NCKAP5: variants seen among roughly 807,000 people sequenced by gnomAD.
The protein encoded by NCKAP5 is NCK associated protein 5, also known as nck-associated protein 5.
A neutral mutation model predicts 167.0 loss-of-function variants in NCKAP5; 92 were observed. The ratio of observed to expected loss-of-function variants is 0.55; its 90% CI spans 0.47 to 0.66. NCKAP5 has a LOEUF of 0.66. Ranked by LOEUF, NCKAP5 falls within the 30% of genes least tolerant of loss-of-function variation. The probability of loss-of-function intolerance (pLI) is 0.00; values close to 1 mark genes in which losing one functional copy is unlikely to be tolerated. For missense variants in NCKAP5, 2,378 were observed against 2,315.0 expected (o/e 1.03, Z -0.56); for synonymous variants, 891 against 877.4 (o/e 1.02, Z -0.27).
chr2:132,970,348 C>T (rs115861114), intron 7 of NCKAP5, among the ~76,000 whole-genome samples: 1,925 of 152,208 alleles, frequency 0.013, 18 homozygotes, highest in Non-Finnish European at 0.018. Context: ...ATTTGTCTTA[C>T]GAACCTCCAA....
chr2:132,898,645 GAAAACA>G (rs1693388237), intron 8 of NCKAP5, among the ~76,000 whole-genome samples: 1 of 152,210 alleles, frequency 6.6e-6, no homozygotes, highest in Non-Finnish European at 1.5e-5. Flanking sequence ...TAGCAGGCAT[GAAAACA>G]ACATTAATCT....
the NCKAP5 span, among the ~76,000 whole-genome samples, chr2:133,590,808 T>C: frequency 1.1e-4 from 16 of 152,146 alleles, no homozygotes; most frequent in African/African-American, 3.6e-4. Flanking sequence ...AGCAGAAGAC[T>C]TTGATTTAAT....
intron 7 of NCKAP5, among the ~76,000 whole-genome samples, chr2:132,968,020 G>A (rs989288907): frequency 6.6e-6 from 1 of 152,248 alleles, no homozygotes. Flanking sequence ...GCAAATACTC[G>A]TGGCAGGGCC....
At chr2:133,368,731 A>G (rs775939050) in intron 3 of NCKAP5, among the ~76,000 whole-genome samples, 1 of 152,260 alleles carries the variant, frequency 6.6e-6, no homozygotes, top group African/African-American at 2.4e-5. Context: ...ATAACTAGGA[A>G]GCAATTAACA....
At chr2:133,032,350 A>G (rs1182784870) in intron 6 of NCKAP5, among the ~76,000 whole-genome samples, 1 of 152,176 alleles carries the variant, frequency 6.6e-6, no homozygotes, top group Non-Finnish European at 1.5e-5. Flanking sequence ...TTGGGATGGC[A>G]GTGGGTATGG....
chr2:133,403,534 A>G (rs531995865), intron 3 of NCKAP5, among the ~76,000 whole-genome samples: 15 of 152,202 alleles, frequency 9.9e-5, no homozygotes, highest in Admixed American at 3.9e-4. Context: ...CAAGATGACT[A>G]TATTTCATAT....
intron 3 of NCKAP5, among the ~76,000 whole-genome samples, chr2:133,355,936 G>GTTT (rs5834354): frequency 6.6e-6 from 1 of 150,584 alleles, no homozygotes; most frequent in Non-Finnish European, 1.5e-5. Flanking sequence ...TTTGTTTTCT[G>GTTT]TTTTTTTTTG....
the NCKAP5 span, among the ~76,000 whole-genome samples, chr2:133,588,171 C>T: frequency 6.6e-6 from 1 of 152,056 alleles, no homozygotes; most frequent in African/African-American, 2.4e-5. Flanking sequence ...TGGCAATGAT[C>T]AAAATAATTT....
chr2:133,430,922 A>T (rs1476435077), intron 3 of NCKAP5, among the ~76,000 whole-genome samples: 1 of 151,954 alleles, frequency 6.6e-6, no homozygotes, highest in African/African-American at 2.4e-5. Flanking sequence ...ACAGGTCTGA[A>T]ATTGTTAAAT....
At chr2:132,955,333 C>G (rs564732335) in intron 8 of NCKAP5, among the ~76,000 whole-genome samples, 7 of 152,236 alleles carry the variant, frequency 4.6e-5, no homozygotes, top group African/African-American at 1.4e-4. Context: ...CCCCAGGCTT[C>G]AAAGCTTGTG....
intron 3 of NCKAP5, among the ~76,000 whole-genome samples, chr2:133,398,467 T>G (rs1302477915): frequency 1.3e-5 from 2 of 152,154 alleles, no homozygotes; most frequent in Non-Finnish European, 2.9e-5. Context: ...TTTTAATACT[T>G]CAAAAGGAGA....
intron 3 of NCKAP5, among the ~76,000 whole-genome samples, chr2:133,359,351 A>C (rs1684944391): frequency 6.6e-6 from 1 of 152,244 alleles, no homozygotes; most frequent in Non-Finnish European, 1.5e-5. Context: ...CTATATCACT[A>C]TTCTTTGTAA....
intron 5 of NCKAP5, among the ~76,000 whole-genome samples, chr2:133,189,668 A>G (rs138155970): frequency 0.3 from 46,205 of 152,046 alleles, 7,147 homozygotes; most frequent in African/African-American, 0.37. Context: ...ATATAAACAG[A>G]ACAAAAGACA....
intron 15 of NCKAP5, among the ~76,000 whole-genome samples, chr2:132,774,296 C>G (rs190543611): frequency 1.3e-5 from 2 of 152,276 alleles, no homozygotes; most frequent in East Asian, 3.9e-4. Context: ...GAGTCAGTGA[C>G]TTCCACTGCA....
At chr2:133,045,401 T>C (rs1368252071) in intron 6 of NCKAP5, among the ~76,000 whole-genome samples, 6 of 152,110 alleles carry the variant, frequency 3.9e-5, no homozygotes, top group Admixed American at 1.3e-4. Context: ...ATATACATAA[T>C]TAAGAGAGAC....
At chr2:133,146,130 C>T (rs1292293211) in intron 5 of NCKAP5, among the ~76,000 whole-genome samples, 1 of 151,364 alleles carries the variant, frequency 6.6e-6, no homozygotes, top group Non-Finnish European at 1.5e-5. Context: ...AGGGAAGCAA[C>T]ATCTAGATAA....
At chr2:133,545,751 A>G (rs1686605379) in intron 2 of NCKAP5, among the ~76,000 whole-genome samples, 1 of 152,210 alleles carries the variant, frequency 6.6e-6, no homozygotes, top group Non-Finnish European at 1.5e-5. Flanking sequence ...AGAAGATAGC[A>G]TAGAAGGGAG....
intron 4 of NCKAP5, among the ~76,000 whole-genome samples, chr2:133,291,540 TC>T (rs1679600344): frequency 6.6e-6 from 1 of 152,188 alleles, no homozygotes; most frequent in African/African-American, 2.4e-5. Flanking sequence ...ACTGGGAGCT[TC>T]AGTACCTTTA....
chr2:133,152,849 C>G (rs536107606), intron 5 of NCKAP5, among the ~76,000 whole-genome samples: 31 of 152,204 alleles, frequency 2.0e-4, no homozygotes, highest in African/African-American at 7.5e-4. Context: ...ACTGTGTTAC[C>G]ATTGCCTATG....
Sources: allele counts gnomAD v4.1 joint callset (sites outside exome capture counted in the v4.1 genomes callset), GRCh38; gene constraint gnomAD v4.1.1; transcripts MANE v1.5; gene names NCBI Gene and HGNC (gene_info 2026-07-23, HGNC 2026-07-21).